The following INSR variants were observed in gnomAD, a reference collection of about 807,000 sequenced individuals.
The protein encoded by INSR is IR.
A neutral mutation model predicts 142.6 loss-of-function variants in INSR; 67 were observed. The ratio of observed to expected loss-of-function variants is 0.47; its 90% CI spans 0.39 to 0.58. The LOEUF (loss-of-function observed/expected upper bound fraction) is 0.58, where lower values mean the gene tolerates loss of function less well. INSR is among the 20% of genes least tolerant of loss of function. The pLI is 0.00. For synonymous variants in INSR, 756 were observed against 743.1 expected (o/e 1.02, Z -0.28); for missense variants, 1,248 against 1,833.2 (o/e 0.68, Z 5.83).
chr19:7,115,903 AC>A lies in INSR; in HGVS notation c.*1152del, dbSNP rs1263863148. ...CAGAAATGGATGCCTTTAAGACCAA[AC>A]AAAGAGGCCACTTGTGCCTGACTCC... On this transcript the variant is annotated 3_prime_UTR_variant, in exon 22 of 22. Coordinates refer to ENST00000302850, the MANE Select transcript of INSR (RefSeq NM_000208.4). The A allele has an allele frequency of 2.0e-5, 3 of 152,214 alleles. No homozygotes were observed. Among genetic ancestry groups the A allele is most frequent in the Middle Eastern group, 3.4e-3 (1 of 292 alleles). The allele number at this position is 152,214 out of a possible 1,614,324, so 9.4% of individuals were successfully genotyped here.
At position 7,174,570 on chromosome 19, in the gene INSR, CAG is replaced by C. The variant is rs758086343; in HGVS notation, c.1123+11_1123+12del. The C allele has an allele frequency of 2.9e-5, 46 of 1,613,918 alleles. No individual in the cohort carries two copies. The South Asian group carries it at 5.1e-4, about 18-fold the overall frequency. Reference sequence around the variant, plus strand: ...CCAACAGGCACCCCCGACGCCCACACAGAGACACTCACTGCCTCCTCGAATGT... The same window carrying C: ...CCAACAGGCACCCCCGACGCCCACACAGACACTCACTGCCTCCTCGAATGT... On this transcript the variant is annotated intron_variant, in intron 4 of 21. Transcript: ENST00000302850.
At chr19:7,176,830 A>C (rs1315294197) in intron 3 of INSR, among the ~76,000 whole-genome samples, 1 of 152,144 alleles carries the variant, frequency 6.6e-6, no homozygotes, top group East Asian at 1.9e-4. Context: ...CAGTGCAGAA[A>C]TGGACTAATG....
At chr19:7,263,182 G>A (rs1005675197) in intron 2 of INSR, among the ~76,000 whole-genome samples, 4 of 152,006 alleles carry the variant, frequency 2.6e-5, no homozygotes, top group Middle Eastern at 3.2e-3. Context: ...GGAAGGCTGA[G>A]GCAGGAGAAT....
Position 7,191,221 on chromosome 19 carries a change from C to T in INSR, c.653-6584G>A, listed in dbSNP as rs1022163845. ...CTGAGACAGCAGAATTGCTTGAACCCGGGAGGCGGGGGTTGCAGTGAGCCG... is the reference window on the plus strand; with the variant it reads ...CTGAGACAGCAGAATTGCTTGAACCTGGGAGGCGGGGGTTGCAGTGAGCCG... On this transcript the variant is annotated intron_variant, in intron 2 of 21. Coordinates refer to ENST00000302850, the MANE Select transcript of INSR (RefSeq NM_000208.4). Among the ~76,000 whole-genome samples, 15 of 151,762 alleles carry T rather than the reference C, an allele frequency of 9.9e-5. No homozygotes were observed. The East Asian group carries it at 2.1e-3, about 22-fold the overall frequency.
chr19:7,247,685 A>G (rs752841897), intron 2 of INSR, among the ~76,000 whole-genome samples: 10 of 152,202 alleles, frequency 6.6e-5, no homozygotes, highest in Non-Finnish European at 1.3e-4. Context: ...AGAAGAAAAA[A>G]CAGACATTCA....
Position 7,152,857 on chromosome 19 carries a change from A to G in INSR, c.2100T>C (p.Ser700=). The G allele has an allele frequency of 6.2e-7, 1 of 1,613,008 alleles. No homozygotes were observed. The highest frequency in any genetic ancestry group is 8.5e-7 in the Non-Finnish European group (1 of 1,179,848). The change falls in exon 10 of 22, where the codon AGT becomes AGC. Residue 700 remains serine, a synonymous_variant. Transcript: ENST00000302850. Reference sequence around the variant, plus strand: ...ATTCGCCGGCCGAATCCTCATACTCACTCTGGTTGTGCTTCTGAGAATCTT... The same window carrying G: ...ATTCGCCGGCCGAATCCTCATACTCGCTCTGGTTGTGCTTCTGAGAATCTT... ...ESEDSQKHNQ[S]EYEDSAGECC...
At chr19:7,204,375 C>T (rs899702159) in intron 2 of INSR, among the ~76,000 whole-genome samples, 2 of 152,016 alleles carry the variant, frequency 1.3e-5, no homozygotes, top group Admixed American at 6.6e-5. Flanking sequence ...GCTTTATTTT[C>T]CCCTCTATAA....
intron 3 of INSR, among the ~76,000 whole-genome samples, chr19:7,176,091 G>A (rs910129749): frequency 3.9e-5 from 6 of 152,150 alleles, no homozygotes; most frequent in African/African-American, 9.7e-5. Context: ...TACCCTGTGC[G>A]TGACAGCAAT....
chr19:7,148,070 T>C (rs778399822), intron 11 of INSR, among the ~76,000 whole-genome samples: 3 of 151,936 alleles, frequency 2.0e-5, no homozygotes, highest in Non-Finnish European at 2.9e-5. Context: ...TGCATCATCA[T>C]GCCCGGCTAA....
At chr19:7,135,305 T>TTC (rs1491558765) in intron 13 of INSR, among the ~76,000 whole-genome samples, 36 of 13,126 alleles carry the variant, frequency 2.7e-3, no homozygotes, top group Admixed American at 6.6e-3. Flanking sequence ...ATGCATCTTC[T>TTC]TTTTTTTTTT....
At chr19:7,145,452 A>G (rs1973164715) in intron 11 of INSR, among the ~76,000 whole-genome samples, 1 of 152,070 alleles carries the variant, frequency 6.6e-6, no homozygotes, top group Non-Finnish European at 1.5e-5. Context: ...CTATGTACCT[A>G]CTTTCCCAAA....
chr19:7,232,993 G>A (rs183356708), intron 2 of INSR, among the ~76,000 whole-genome samples: 1 of 152,068 alleles, frequency 6.6e-6, no homozygotes, highest in African/African-American at 2.4e-5. Context: ...TTTGGTTTTG[G>A]TGTTGATTTT....
At chr19:7,135,066 A>G (rs12610004) in intron 13 of INSR, among the ~76,000 whole-genome samples, 6,222 of 130,514 alleles carry the variant, frequency 0.048, 354 homozygotes, top group African/African-American at 0.14. Context: ...AGGGGGGTGG[A>G]GAGTGGAGAA....
chr19:7,270,535 T>C (rs1465028810), intron 1 of INSR, among the ~76,000 whole-genome samples: 1 of 151,856 alleles, frequency 6.6e-6, no homozygotes, highest in Non-Finnish European at 1.5e-5. Context: ...GAGGATCGAT[T>C]GAAGCCAGGA....
intron 2 of INSR, among the ~76,000 whole-genome samples, chr19:7,221,409 G>GGA (rs1165632939): frequency 2.3e-4 from 24 of 106,208 alleles, no homozygotes; most frequent in East Asian, 1.5e-3. Flanking sequence ...GAGGAGGAAA[G>GGA]AAGAAGAAGA....
chr19:7,280,281 A>C (rs1968172881), intron 1 of INSR, among the ~76,000 whole-genome samples: 1 of 150,692 alleles, frequency 6.6e-6, no homozygotes, highest in Admixed American at 6.6e-5. Flanking sequence ...AAAACAAAAA[A>C]ACAAAACAAA....
chr19:7,252,231 G>A lies in INSR; in HGVS notation c.652+15114C>T, dbSNP rs547755077. On this transcript the variant is annotated intron_variant, in intron 2 of 21. Coordinates refer to ENST00000302850, the MANE Select transcript of INSR (RefSeq NM_000208.4). ...TCAAGACCATTCTGGCCAACATGACGAAACCCCATCTCTACTAAAAATACA... is the reference window on the plus strand; with the variant it reads ...TCAAGACCATTCTGGCCAACATGACAAAACCCCATCTCTACTAAAAATACA... Among the ~76,000 whole-genome samples the A allele has an allele frequency of 2.6e-5, 4 of 152,158 alleles. No homozygotes were observed. The South Asian group carries it at 8.3e-4, about 32-fold the overall frequency.
chr19:7,236,599 C>A lies in INSR; in HGVS notation c.652+30746G>T, dbSNP rs370198864. ...GACATTGGCCAGGCACCATGGCTCA[C>A]GCCTCTAATCCCAGCGCTTTATAAA... On this transcript the variant is annotated intron_variant, in intron 2 of 21. Coordinates refer to ENST00000302850, the MANE Select transcript of INSR (RefSeq NM_000208.4). Among the ~76,000 whole-genome samples the A allele has an allele frequency of 6.6e-5, 10 of 152,320 alleles. No homozygotes were observed. The South Asian group carries it at 1.9e-3, about 28-fold the overall frequency.
At chr19:7,148,889 G>A (rs899963009) in intron 11 of INSR, among the ~76,000 whole-genome samples, 1 of 150,062 alleles carries the variant, frequency 6.7e-6, no homozygotes, top group African/African-American at 2.5e-5. Flanking sequence ...CCGCGTCCCA[G>A]GTTCACGCCA....
Sources: allele counts gnomAD v4.1 joint callset (sites outside exome capture counted in the v4.1 genomes callset), GRCh38; gene constraint gnomAD v4.1.1; transcripts MANE v1.5; gene names NCBI Gene and HGNC (gene_info 2026-07-23, HGNC 2026-07-21).